Variants in XKR4 observed in about 807,000 individuals in gnomAD.
The protein encoded by XKR4 is XK-related protein 4.
A neutral mutation model predicts 53.9 loss-of-function variants in XKR4; 12 were observed. The observed-to-expected ratio is 0.22, with a 90% confidence interval of 0.14 to 0.36. The LOEUF is 0.36. Ranked by LOEUF, XKR4 falls within the 10% of genes least tolerant of loss-of-function variation. The probability of loss-of-function intolerance (pLI) is 1.00; values close to 1 mark genes in which losing one functional copy is unlikely to be tolerated. For missense variants in XKR4, 799 were observed against 859.5 expected (o/e 0.93, Z 0.88); for synonymous variants, 354 against 362.4 (o/e 0.98, Z 0.26).
At chr8:55,429,518 G>T (rs1447002070) in intron 2 of XKR4, among the ~76,000 whole-genome samples, 1 of 152,068 alleles carries the variant, frequency 6.6e-6, no homozygotes, top group Non-Finnish European at 1.5e-5. Flanking sequence ...AGACCAGCCT[G>T]GGCAACATAG....
At chr8:55,104,450 A>AT (rs933146126) in intron 1 of XKR4, among the ~76,000 whole-genome samples, 4 of 152,168 alleles carry the variant, frequency 2.6e-5, no homozygotes, top group Admixed American at 6.5e-5. Flanking sequence ...ATTTGTGGCT[A>AT]TTTTTGTGAT....
chr8:55,278,498 T>C (rs911032944), intron 1 of XKR4, among the ~76,000 whole-genome samples: 1 of 152,158 alleles, frequency 6.6e-6, no homozygotes, highest in African/African-American at 2.4e-5. Context: ...TTTTCTTGGG[T>C]GTCGTTGTAA....
chr8:55,478,424 G>A (rs1348497408), intron 2 of XKR4, among the ~76,000 whole-genome samples: 41 of 152,008 alleles, frequency 2.7e-4, no homozygotes, highest in South Asian at 2.1e-3. Flanking sequence ...AGGAACAACC[G>A]GTACCAGCCA....
At chr8:55,320,991 G>C (rs566608751) in intron 1 of XKR4, among the ~76,000 whole-genome samples, 43 of 152,148 alleles carry the variant, frequency 2.8e-4, no homozygotes, top group Non-Finnish European at 4.7e-4. Flanking sequence ...TTGCATAGAA[G>C]AGAAGAGCCA....
intron 1 of XKR4, among the ~76,000 whole-genome samples, chr8:55,294,904 A>G (rs1375942430): frequency 1.1e-4 from 17 of 152,268 alleles, no homozygotes; most frequent in Non-Finnish European, 2.4e-4. Flanking sequence ...AACCTGTTGA[A>G]AATATTACCC....
chr8:55,116,669 C>A (rs1007228688), intron 1 of XKR4, among the ~76,000 whole-genome samples: 3 of 152,158 alleles, frequency 2.0e-5, no homozygotes, highest in African/African-American at 7.2e-5. Context: ...CCCAGAAATG[C>A]CTCTTTTCAA....
At chr8:55,271,740 A>G (rs1175729741) in intron 1 of XKR4, among the ~76,000 whole-genome samples, 1 of 152,224 alleles carries the variant, frequency 6.6e-6, no homozygotes, top group African/African-American at 2.4e-5. Context: ...GTTGGTCTTA[A>G]GTGGGAACTG....
At chr8:55,361,868 G>A (rs749190614) in intron 2 of XKR4, among the ~76,000 whole-genome samples, 3 of 152,076 alleles carry the variant, frequency 2.0e-5, no homozygotes, top group Admixed American at 6.5e-5. Context: ...CTCTTAGCCT[G>A]TCTAGTTCTT....
intron 1 of XKR4, among the ~76,000 whole-genome samples, chr8:55,147,629 G>T (rs1816789131): frequency 6.6e-6 from 1 of 152,152 alleles, no homozygotes; most frequent in East Asian, 1.9e-4. Flanking sequence ...CTCTAAATCT[G>T]TCTCTTTGGC....
chr8:55,357,719 G>T lies in XKR4; in HGVS notation c.848G>T (p.Ser283Ile). ...TACTTAGGTATTCGAAGCCGACAGA[G>T]TGGGGAGAATGACAGATGGAGGTTT... is the stretch of plus-strand genomic sequence containing the variant. The part of the protein sequence containing the change: ...TIYLGIRSRQ[S>I]GENDRWRFYW... Residue 283 changes from serine to isoleucine, a missense_variant, in exon 2 of 3, where the codon AGT becomes ATT. Transcript: ENST00000327381. 1.2e-6 allele frequency: 2 copies of T among 1,614,224 alleles called. No individual in the cohort carries two copies. Among genetic ancestry groups the T allele is most frequent in the Non-Finnish European group, 1.7e-6 (2 of 1,180,028 alleles).
intron 1 of XKR4, among the ~76,000 whole-genome samples, chr8:55,283,405 C>T (rs1450197600): frequency 6.6e-6 from 1 of 152,228 alleles, no homozygotes; most frequent in African/African-American, 2.4e-5. Flanking sequence ...TTCTCTGAAA[C>T]TCAGGATCTT....
chr8:55,264,052 T>C (rs908254256), intron 1 of XKR4, among the ~76,000 whole-genome samples: 3 of 152,148 alleles, frequency 2.0e-5, no homozygotes, highest in Non-Finnish European at 4.4e-5. Context: ...ACATAATGTC[T>C]CCCAAATCTC....
At chr8:55,193,269 T>C (rs958630415) in intron 1 of XKR4, among the ~76,000 whole-genome samples, 4 of 152,166 alleles carry the variant, frequency 2.6e-5, no homozygotes, top group East Asian at 1.9e-4. Context: ...GTTTTTTCTG[T>C]TTCTACACTT....
chr8:55,376,424 AT>A (rs1210877145), intron 2 of XKR4, among the ~76,000 whole-genome samples: 1 of 152,072 alleles, frequency 6.6e-6, no homozygotes, highest in Non-Finnish European at 1.5e-5. Flanking sequence ...CATCATTCTG[AT>A]TGGCATGAGA....
intron 1 of XKR4, among the ~76,000 whole-genome samples, chr8:55,153,037 G>T (rs974092534): frequency 1.3e-5 from 2 of 152,142 alleles, no homozygotes; most frequent in Non-Finnish European, 2.9e-5. Context: ...GATGTCATTG[G>T]ACTAGTTCTT....
intron 2 of XKR4, among the ~76,000 whole-genome samples, chr8:55,407,922 G>T (rs1462395792): frequency 1.3e-5 from 2 of 152,196 alleles, no homozygotes; most frequent in African/African-American, 2.4e-5. Flanking sequence ...AAGAGACCAT[G>T]AAACTAGGGC....
Position 55,133,756 on chromosome 8 carries a change from A to T in XKR4, c.806+30462A>T, listed in dbSNP as rs143291925. Among the ~76,000 whole-genome samples, 237 of 152,360 alleles carry T rather than the reference A, an allele frequency of 1.6e-3. 3 individuals carry two copies. Among genetic ancestry groups the T allele is most frequent in the Non-Finnish European group, 7.1e-4 (48 of 68,026 alleles). On this transcript the variant is annotated intron_variant, in intron 1 of 2. Transcript: ENST00000327381. ...GATACATAATGAAGGATATTTGCTC[A>T]CCTCAGTAACTGTCATCAATTAAAA...
At chr8:55,207,483 C>T (rs1018734575) in intron 1 of XKR4, among the ~76,000 whole-genome samples, 6 of 152,142 alleles carry the variant, frequency 3.9e-5, no homozygotes, top group Non-Finnish European at 7.3e-5. Flanking sequence ...ATGTGTGACA[C>T]ACTTGTCAGC....
intron 2 of XKR4, among the ~76,000 whole-genome samples, chr8:55,416,770 T>G (rs1804858957): frequency 6.6e-6 from 1 of 152,192 alleles, no homozygotes; most frequent in Non-Finnish European, 1.5e-5. Context: ...GCCAGAAATG[T>G]ATTTTACCTG....
Sources: allele counts gnomAD v4.1 joint callset (sites outside exome capture counted in the v4.1 genomes callset), GRCh38; gene constraint gnomAD v4.1.1; transcripts MANE v1.5; gene names NCBI Gene and HGNC (gene_info 2026-07-23, HGNC 2026-07-21).